NTM: variants seen among roughly 807,000 people sequenced by gnomAD.
NTM encodes neurotrimin.
NTM carries 13 observed loss-of-function variants against 42.1 expected under a neutral mutation model. The observed-to-expected ratio is 0.31, with a 90% confidence interval of 0.20 to 0.49. The LOEUF (loss-of-function observed/expected upper bound fraction) is 0.49, where lower values mean the gene tolerates loss of function less well. Among genes scored for constraint, NTM ranks in the 20% least tolerant of loss-of-function variants. NTM has a pLI of 0.99. For synonymous variants in NTM, 187 were observed against 179.2 expected (o/e 1.04, Z -0.35); for missense variants, 373 against 452.8 (o/e 0.82, Z 1.60).
rs146360704 is a variant in NTM, at chr11:132,101,463, G to T, written c.168-44819G>T. On this transcript the variant is annotated intron_variant, in intron 2 of 8. Coordinates refer to ENST00000683400, the MANE Select transcript of NTM (RefSeq NM_001352005.2). ...TACACAAAGACTAGCTACAGAAGCC[G>T]TGGTCAGGAAATATCTGTTGAATTC... Among the ~76,000 whole-genome samples the T allele has an allele frequency of 2.6e-3, 390 of 152,238 alleles. 1 individual carries two copies. The highest frequency in any genetic ancestry group is 4.4e-3 in the Non-Finnish European group (301 of 68,034).
At chr11:131,421,202 C>T (rs1276428109) in intron 1 of NTM, among the ~76,000 whole-genome samples, 1 of 152,208 alleles carries the variant, frequency 6.6e-6, no homozygotes, top group Non-Finnish European at 1.5e-5. Flanking sequence ...CTGCAATCTG[C>T]CTCCTCCCCT....
chr11:132,124,541 C>G (rs981152723), intron 2 of NTM, among the ~76,000 whole-genome samples: 1 of 152,254 alleles, frequency 6.6e-6, no homozygotes, highest in African/African-American at 2.4e-5. Flanking sequence ...AGCAGCTGCT[C>G]ACAATAATGA....
intron 1 of NTM, among the ~76,000 whole-genome samples, chr11:131,551,357 A>G (rs1167870744): frequency 1.3e-5 from 2 of 152,132 alleles, no homozygotes; most frequent in African/African-American, 4.8e-5. Flanking sequence ...AAGCAAAAGA[A>G]GAAGAATGGA....
chr11:131,903,246 T>C (rs2053415293), intron 1 of NTM, among the ~76,000 whole-genome samples: 1 of 152,018 alleles, frequency 6.6e-6, no homozygotes, highest in Non-Finnish European at 1.5e-5. Flanking sequence ...ATGGAAGGAG[T>C]GTGTAAATAT....
chr11:131,763,947 G>C (rs762682575), intron 1 of NTM, among the ~76,000 whole-genome samples: 1 of 151,692 alleles, frequency 6.6e-6, no homozygotes, highest in Non-Finnish European at 1.5e-5. Flanking sequence ...CAATAATTAT[G>C]TAACTCTGCA....
chr11:131,896,567 C>G (rs1307356615), intron 1 of NTM, among the ~76,000 whole-genome samples: 1 of 151,334 alleles, frequency 6.6e-6, no homozygotes, highest in African/African-American at 2.4e-5. Flanking sequence ...GTGAACAAAT[C>G]AAACACAGTC....
chr11:131,400,605 A>C (rs1945027800), intron 1 of NTM, among the ~76,000 whole-genome samples: 1 of 152,186 alleles, frequency 6.6e-6, no homozygotes, highest in Admixed American at 6.5e-5. Flanking sequence ...AAATGTGTTG[A>C]TGGGCATTGT....
Position 131,661,560 on chromosome 11 carries a change from C to T in NTM, c.83-250004C>T, listed in dbSNP as rs2068075312. Among the ~76,000 whole-genome samples the T allele has an allele frequency of 5.3e-5, 8 of 152,230 alleles. No individual in the cohort carries two copies. In the South Asian group the frequency reaches 1.5e-3, roughly 28 times the overall value. On this transcript the variant is annotated intron_variant, in intron 1 of 8. Coordinates refer to ENST00000683400, the MANE Select transcript of NTM (RefSeq NM_001352005.2). The stretch of plus-strand genomic sequence containing the variant: ...GTATTTTTCTATTCCTGCCTGGTCG[C>T]CGAGGCTGAAACATCACTTACTTTC...
chr11:131,427,484 C>T (rs975309736), intron 1 of NTM, among the ~76,000 whole-genome samples: 3 of 152,158 alleles, frequency 2.0e-5, no homozygotes, highest in African/African-American at 7.2e-5. Context: ...TCCAGAAAAC[C>T]ACATCAGGAT....
chr11:131,603,196 G>C (rs150357419), intron 1 of NTM, among the ~76,000 whole-genome samples: 3 of 152,034 alleles, frequency 2.0e-5, no homozygotes, highest in African/African-American at 7.2e-5. Flanking sequence ...CTAACTCGGT[G>C]CCATTTATCA....
chr11:132,048,428 G>T (rs2078333650), intron 2 of NTM, among the ~76,000 whole-genome samples: 1 of 152,304 alleles, frequency 6.6e-6, no homozygotes, highest in Non-Finnish European at 1.5e-5. Context: ...GAATAGAGGG[G>T]CCAGTACTTC....
intron 1 of NTM, among the ~76,000 whole-genome samples, chr11:131,797,669 A>G (rs2091717361): frequency 6.6e-6 from 1 of 152,248 alleles, no homozygotes; most frequent in South Asian, 2.1e-4. Flanking sequence ...GTTTAGAACA[A>G]TTACCAACGT....
chr11:131,659,044 G>T (rs940826606), intron 1 of NTM, among the ~76,000 whole-genome samples: 5 of 152,186 alleles, frequency 3.3e-5, no homozygotes, highest in African/African-American at 1.2e-4. Flanking sequence ...AGACATGTAG[G>T]TATAGATACT....
At chr11:132,264,664 T>A (rs1292957352) in intron 4 of NTM, among the ~76,000 whole-genome samples, 1 of 152,196 alleles carries the variant, frequency 6.6e-6, no homozygotes, top group Non-Finnish European at 1.5e-5. Context: ...GATGAATGAA[T>A]TAAAATAAGA....
At chr11:132,160,833 G>A (rs1376463352) in intron 3 of NTM, among the ~76,000 whole-genome samples, 1 of 152,186 alleles carries the variant, frequency 6.6e-6, no homozygotes, top group African/African-American at 2.4e-5. Context: ...GCTGAGGGCA[G>A]GGTCCCTGTA....
intron 4 of NTM, among the ~76,000 whole-genome samples, chr11:132,261,512 C>A (rs1210256751): frequency 6.6e-6 from 1 of 152,166 alleles, no homozygotes; most frequent in African/African-American, 2.4e-5. Context: ...AGGAAAGATC[C>A]TGGTCTTCTT....
chr11:131,599,611 A>C (rs1280359360), intron 1 of NTM, among the ~76,000 whole-genome samples: 3 of 152,250 alleles, frequency 2.0e-5, no homozygotes, highest in Non-Finnish European at 4.4e-5. Context: ...CTCTGTGCTA[A>C]ATATACTTCC....
At chr11:132,000,666 A>G (rs1049826832) in intron 2 of NTM, among the ~76,000 whole-genome samples, 4 of 152,158 alleles carry the variant, frequency 2.6e-5, no homozygotes, top group Admixed American at 6.5e-5. Context: ...TCTATATTTC[A>G]TCTTGCATTT....
chr11:131,461,273 A>G (rs1156477522), intron 1 of NTM, among the ~76,000 whole-genome samples: 1 of 152,182 alleles, frequency 6.6e-6, no homozygotes, highest in East Asian at 1.9e-4. Context: ...TGCAAAGTAG[A>G]ATGTCTACTA....
Sources: gnomAD v4.1 joint callset for allele counts (sites outside exome capture counted in the v4.1 genomes callset) on GRCh38, gnomAD v4.1.1 for gene constraint, MANE v1.5 for transcripts, NCBI Gene and HGNC (gene_info 2026-07-23, HGNC 2026-07-21) for gene names.